PGM5: variants seen among roughly 807,000 people sequenced by gnomAD.
PGM5 encodes the protein phosphoglucomutase 5.
A neutral mutation model predicts 59.2 loss-of-function variants in PGM5; 23 were observed. That is an observed-to-expected ratio of 0.39 (90% CI 0.28 to 0.55). The LOEUF (loss-of-function observed/expected upper bound fraction) is 0.55, where lower values mean the gene tolerates loss of function less well. Ranked by LOEUF, PGM5 falls within the 20% of genes least tolerant of loss-of-function variation. The probability of loss-of-function intolerance (pLI) is 0.66; values close to 1 mark genes in which losing one functional copy is unlikely to be tolerated. For synonymous variants in PGM5, 214 were observed against 286.0 expected, an observed-to-expected ratio of 0.75 and a Z score of 2.54; for missense variants, 574 against 748.3, an observed-to-expected ratio of 0.77 and a Z score of 2.72.
intron 10 of PGM5, among the ~76,000 whole-genome samples, chr9:68,510,519 A>C (rs1433704128): frequency 1.3e-5 from 2 of 152,136 alleles, no homozygotes; most frequent in Non-Finnish European, 2.9e-5. Flanking sequence ...GGGCAACTTA[A>C]TATCAGTCAA....
At chr9:68,409,895 A>G (rs1239004656) in intron 6 of PGM5, among the ~76,000 whole-genome samples, 4 of 150,870 alleles carry the variant, frequency 2.7e-5, no homozygotes, top group Non-Finnish European at 5.9e-5. Flanking sequence ...AAAAGAACAA[A>G]GCAAAAAAAT....
intron 6 of PGM5, among the ~76,000 whole-genome samples, chr9:68,439,515 G>GTATATATATAACA (rs11268848): frequency 0.022 from 3,211 of 145,760 alleles, 115 homozygotes; most frequent in African/African-American, 0.075. Context: ...ATATATGAGT[G>GTATATATATAACA]TATATATATA....
At chr9:68,478,685 C>G (rs2132089019) in intron 7 of PGM5, among the ~76,000 whole-genome samples, 1 of 152,350 alleles carries the variant, frequency 6.6e-6, no homozygotes, top group Non-Finnish European at 1.5e-5. Context: ...ATCTCTGCCT[C>G]TGTCTGCACA....
At chr9:68,376,192 T>C (rs1265684609) in intron 1 of PGM5, among the ~76,000 whole-genome samples, 1 of 152,210 alleles carries the variant, frequency 6.6e-6, no homozygotes, top group African/African-American at 2.4e-5. Context: ...TGTTTAAAAA[T>C]GCAATCAGGT....
At chr9:68,485,622 T>C (rs1003838146) in intron 9 of PGM5, among the ~76,000 whole-genome samples, 14 of 152,236 alleles carry the variant, frequency 9.2e-5, no homozygotes, top group African/African-American at 3.4e-4. Flanking sequence ...TGGTAATTCT[T>C]CATAGCAGTA....
chr9:68,489,735 T>A (rs72714333), intron 9 of PGM5, among the ~76,000 whole-genome samples: 2,120 of 152,130 alleles, frequency 0.014, 23 homozygotes, highest in Non-Finnish European at 0.021. Flanking sequence ...CCAAACCAAC[T>A]CCTATATTTC....
At chr9:68,415,323 C>T (rs1823006421) in intron 6 of PGM5, among the ~76,000 whole-genome samples, 1 of 149,540 alleles carries the variant, frequency 6.7e-6, no homozygotes, top group Non-Finnish European at 1.5e-5. Flanking sequence ...GGTGGTTGTT[C>T]TGAGAGGCAG....
intron 10 of PGM5, among the ~76,000 whole-genome samples, chr9:68,513,932 G>C (rs1369651638): frequency 6.6e-6 from 1 of 152,182 alleles, no homozygotes; most frequent in Admixed American, 6.5e-5. Flanking sequence ...CAGTCATTAT[G>C]AATTCACTTT....
chr9:68,447,394 C>T (rs1823628777), intron 6 of PGM5, among the ~76,000 whole-genome samples: 1 of 152,164 alleles, frequency 6.6e-6, no homozygotes. Flanking sequence ...GTACCATTCA[C>T]TTCTGTACAG....
intron 1 of PGM5, among the ~76,000 whole-genome samples, chr9:68,376,777 CTTTCTTTCTTTCTTTCTTTCTTTCTTTCT>C (rs1821900791): frequency 1.3e-5 from 1 of 74,930 alleles, no homozygotes; most frequent in Non-Finnish European, 2.7e-5. Context: ...TTCTTTCTTT[CTTTCTTTCTTTCTTTCTTTCTTTCTTTCT>C]TTCTTTCTTT....
intron 2 of PGM5, among the ~76,000 whole-genome samples, chr9:68,380,879 T>C (rs1822055525): frequency 2.0e-5 from 3 of 151,888 alleles, no homozygotes; most frequent in South Asian, 4.2e-4. Flanking sequence ...CAAGATTGAA[T>C]TGGGAAGAAA....
At chr9:68,402,245 C>T (rs1822691616) in intron 6 of PGM5, among the ~76,000 whole-genome samples, 1 of 152,224 alleles carries the variant, frequency 6.6e-6, no homozygotes, top group South Asian at 2.1e-4. Flanking sequence ...GCCTGGGTGA[C>T]AGAGTGAGAC....
intron 10 of PGM5, among the ~76,000 whole-genome samples, chr9:68,528,809 A>G (rs1825031122): frequency 6.6e-6 from 1 of 152,220 alleles, no homozygotes; most frequent in African/African-American, 2.4e-5. Context: ...TGATTTTCTC[A>G]CTGTTTTATT....
chr9:68,411,390 T>C lies in PGM5; in HGVS notation c.1043+18917T>C, dbSNP rs535211009. 3.3e-5 allele frequency among the ~76,000 whole-genome samples: 5 copies of C among 149,814 alleles called. No homozygotes were observed. The East Asian group carries it at 1.1e-3, about 32-fold the overall frequency. On this transcript the variant is annotated intron_variant, in intron 6 of 10. Transcript: ENST00000396396. ...TCTTTAAAAAGTATATATAAATATA[T>C]ATATACACACACATATATACACACA...
intron 10 of PGM5, among the ~76,000 whole-genome samples, chr9:68,528,754 T>C (rs1825030191): frequency 6.6e-6 from 1 of 152,062 alleles, no homozygotes; most frequent in African/African-American, 2.4e-5. Context: ...GCAAACAGAG[T>C]TTCTCCTTGA....
At chr9:68,521,705 G>T (rs1244487854) in intron 10 of PGM5, among the ~76,000 whole-genome samples, 1 of 152,178 alleles carries the variant, frequency 6.6e-6, no homozygotes, top group African/African-American at 2.4e-5. Context: ...ACAATGTTTT[G>T]GTGGCAGAAG....
intron 7 of PGM5, among the ~76,000 whole-genome samples, chr9:68,473,587 C>T (rs1022836337): frequency 2.6e-5 from 4 of 152,322 alleles, no homozygotes; most frequent in Non-Finnish European, 4.4e-5. Context: ...AATCCCCTAG[C>T]GCAGTGCCTG....
chr9:68,409,671 A>G (rs2639609), intron 6 of PGM5, among the ~76,000 whole-genome samples: 123,658 of 136,374 alleles, frequency 0.91, 56,668 homozygotes, highest in Non-Finnish European at 0.97. Context: ...TGGGAATTGA[A>G]CAATGAGAAC....
At chr9:68,389,354 T>A (rs1554679239) in intron 4 of PGM5, among the ~76,000 whole-genome samples, 1 of 152,072 alleles carries the variant, frequency 6.6e-6, no homozygotes, top group African/African-American at 2.4e-5. Flanking sequence ...CAAGACTGAA[T>A]ATTTCCATCA....
Sources: allele counts gnomAD v4.1 joint callset (sites outside exome capture counted in the v4.1 genomes callset), GRCh38; gene constraint gnomAD v4.1.1; transcripts MANE v1.5; gene names NCBI Gene and HGNC (gene_info 2026-07-23, HGNC 2026-07-21).